Variants in HEMK2 observed in about 807,000 individuals in gnomAD.
The protein encoded by HEMK2 is HemK methyltransferase 2, ETF1 glutamine and histone H4 lysine.
the HEMK2 span, among the ~76,000 whole-genome samples, chr21:28,855,464 C>A: frequency 0.26 from 39,589 of 152,014 alleles, 5,931 homozygotes; most frequent in African/African-American, 0.4. Context: ...AGGTAGAAAA[C>A]TAACAAAGAT....
At chr21:28,759,379 G>A in the HEMK2 span, among the ~76,000 whole-genome samples, 2 of 152,176 alleles carry the variant, frequency 1.3e-5, no homozygotes, top group African/African-American at 4.8e-5. Context: ...TGGAACAGCT[G>A]TATTTCCCAA....
chr21:28,697,480 G>A, the HEMK2 span, among the ~76,000 whole-genome samples: 431 of 152,180 alleles, frequency 2.8e-3, 2 homozygotes, highest in African/African-American at 1.0e-2. Context: ...CAAGTCTCTA[G>A]GAAATTCCAA....
the HEMK2 span, among the ~76,000 whole-genome samples, chr21:28,662,574 G>A: frequency 6.6e-6 from 1 of 152,116 alleles, no homozygotes; most frequent in Non-Finnish European, 1.5e-5. Flanking sequence ...TAATTCTCGT[G>A]TGTCGTGGGA....
At chr21:28,754,124 A>C in the HEMK2 span, among the ~76,000 whole-genome samples, 2 of 152,220 alleles carry the variant, frequency 1.3e-5, no homozygotes, top group African/African-American at 2.4e-5. Flanking sequence ...AGCTTCCATC[A>C]GTGTCAATGC....
At chr21:28,625,527 C>G in the HEMK2 span, among the ~76,000 whole-genome samples, 1 of 152,144 alleles carries the variant, frequency 6.6e-6, no homozygotes, top group East Asian at 1.9e-4. Context: ...CGAGACCAGC[C>G]TGACCAACAT....
At chr21:28,765,725 T>C in the HEMK2 span, among the ~76,000 whole-genome samples, 1 of 151,960 alleles carries the variant, frequency 6.6e-6, no homozygotes, top group Non-Finnish European at 1.5e-5. Flanking sequence ...TGTGCCCCTG[T>C]AGGTCAGAAT....
At chr21:28,841,961 T>G in the HEMK2 span, among the ~76,000 whole-genome samples, 6 of 152,224 alleles carry the variant, frequency 3.9e-5, no homozygotes, top group Non-Finnish European at 7.3e-5. Context: ...AGCTTGAGGC[T>G]GCTTTCCTTT....
chr21:28,799,129 A>T, the HEMK2 span, among the ~76,000 whole-genome samples: 1 of 151,236 alleles, frequency 6.6e-6, no homozygotes, highest in Admixed American at 6.6e-5. Context: ...GTTCTGTATT[A>T]GTCCATTTTT....
chr21:28,707,703 C>A, the HEMK2 span, among the ~76,000 whole-genome samples: 8 of 151,992 alleles, frequency 5.3e-5, no homozygotes, highest in Admixed American at 5.2e-4. Context: ...TATAAACACA[C>A]ACACACTGTA....
the HEMK2 span, among the ~76,000 whole-genome samples, chr21:28,607,860 A>G: frequency 6.6e-6 from 1 of 152,262 alleles, no homozygotes; most frequent in African/African-American, 2.4e-5. Flanking sequence ...ATTGAAAATT[A>G]GATTAGCATG....
chr21:28,830,089 T>C, the HEMK2 span, among the ~76,000 whole-genome samples: 267 of 152,304 alleles, frequency 1.8e-3, no homozygotes, highest in Middle Eastern at 3.4e-3. Context: ...GTATATCTTA[T>C]ATCTGTATAA....
chr21:28,618,946 C>T, the HEMK2 span, among the ~76,000 whole-genome samples: 1 of 152,168 alleles, frequency 6.6e-6, no homozygotes, highest in Non-Finnish European at 1.5e-5. Context: ...CCTGGTACCT[C>T]ACCGTATGAC....
At chr21:28,801,427 A>G in the HEMK2 span, among the ~76,000 whole-genome samples, 1 of 152,230 alleles carries the variant, frequency 6.6e-6, no homozygotes, top group South Asian at 2.1e-4. Flanking sequence ...TTGGAGTTGT[A>G]AAAATAAATT....
At chr21:28,723,077 A>G in the HEMK2 span, among the ~76,000 whole-genome samples, 1 of 151,866 alleles carries the variant, frequency 6.6e-6, no homozygotes, top group Non-Finnish European at 1.5e-5. Flanking sequence ...TGGTGCAATC[A>G]TAGCTCACTG....
chr21:28,819,295 A>G, the HEMK2 span, among the ~76,000 whole-genome samples: 141 of 151,164 alleles, frequency 9.3e-4, no homozygotes, highest in African/African-American at 3.3e-3. Flanking sequence ...TTAGCTCAAA[A>G]AAAAAAAAAA....
the HEMK2 span, among the ~76,000 whole-genome samples, chr21:28,733,487 T>C: frequency 3.9e-5 from 6 of 152,186 alleles, no homozygotes; most frequent in African/African-American, 1.4e-4. Context: ...TCCTGGGACA[T>C]ACACGCAGGT....
the HEMK2 span, among the ~76,000 whole-genome samples, chr21:28,716,607 C>T: frequency 2.0e-5 from 3 of 152,086 alleles, no homozygotes; most frequent in African/African-American, 7.2e-5. Flanking sequence ...TATATGGATG[C>T]TTCTTATTTC....
chr21:28,589,057 G>A, the HEMK2 span, among the ~76,000 whole-genome samples: 4 of 150,326 alleles, frequency 2.7e-5, no homozygotes, highest in Admixed American at 2.6e-4. Flanking sequence ...AAAAACACCA[G>A]TCTGAAAAGA....
the HEMK2 span, among the ~76,000 whole-genome samples, chr21:28,735,193 C>T: frequency 4.6e-5 from 7 of 152,140 alleles, no homozygotes. Flanking sequence ...AAACTTAGCA[C>T]CTTAACACAA....
Sources: allele counts gnomAD v4.1 joint callset (sites outside exome capture counted in the v4.1 genomes callset), GRCh38; gene constraint gnomAD v4.1.1; transcripts MANE v1.5; gene names NCBI Gene and HGNC (gene_info 2026-07-23, HGNC 2026-07-21).